The following RBFOX1 variants were observed in gnomAD, a reference collection of about 807,000 sequenced individuals.
RBFOX1 encodes RNA binding protein fox-1 homolog 1.
RBFOX1 carries 8 observed loss-of-function variants against 57.7 expected under a neutral mutation model. The observed-to-expected ratio is 0.14, with a 90% CI of 0.08 to 0.25. The LOEUF (loss-of-function observed/expected upper bound fraction) is 0.25, where lower values mean the gene tolerates loss of function less well. RBFOX1 is among the 10% of genes least tolerant of loss of function. RBFOX1 has a pLI of 1.00. For missense variants in RBFOX1, 611 were observed against 548.5 expected (o/e 1.11, Z -1.14); for synonymous variants, 326 against 222.4 (o/e 1.47, Z -4.15).
chr16:6,375,414 ATT>A (rs71145222), intron 2 of RBFOX1, among the ~76,000 whole-genome samples: 2 of 148,962 alleles, frequency 1.3e-5, no homozygotes, highest in Admixed American at 6.7e-5. Context: ...GCTCTAGAGT[ATT>A]TTTTTTTTTT....
chr16:6,992,548 A>T (rs1342983421), intron 3 of RBFOX1, among the ~76,000 whole-genome samples: 1 of 151,940 alleles, frequency 6.6e-6, no homozygotes, highest in Admixed American at 6.6e-5. Context: ...CATCCCTTCC[A>T]AGGTCAGCTT....
intron 2 of RBFOX1, among the ~76,000 whole-genome samples, chr16:6,548,680 C>G (rs1210560128): frequency 2.6e-5 from 4 of 152,156 alleles, no homozygotes; most frequent in Non-Finnish European, 5.9e-5. Context: ...GCGGTTGAGT[C>G]AGAAGATTTC....
chr16:5,544,136 A>G (rs2045085156), intron 2 of RBFOX1, among the ~76,000 whole-genome samples: 2 of 152,284 alleles, frequency 1.3e-5, no homozygotes, highest in East Asian at 3.9e-4. Context: ...CACCCAGAGC[A>G]TTTACCCAAA....
chr16:7,191,143 A>G (rs180705177), intron 4 of RBFOX1, among the ~76,000 whole-genome samples: 59 of 152,186 alleles, frequency 3.9e-4, no homozygotes, highest in African/African-American at 1.4e-3. Context: ...TCACCATCAT[A>G]CTTTATAGTT....
intron 2 of RBFOX1, among the ~76,000 whole-genome samples, chr16:6,647,969 G>A (rs2098547528): frequency 6.6e-6 from 1 of 152,130 alleles, no homozygotes; most frequent in Non-Finnish European, 1.5e-5. Context: ...AGCCTCTCTA[G>A]TAGCTGGAAT....
intron 3 of RBFOX1, among the ~76,000 whole-genome samples, chr16:5,785,138 C>T (rs904622174): frequency 2.0e-5 from 3 of 152,098 alleles, no homozygotes; most frequent in African/African-American, 7.2e-5. Flanking sequence ...GGGATAAATT[C>T]CCAGGACGGG....
At position 6,680,274 on chromosome 16, in the gene RBFOX1, C is replaced by CTTTTTTTTTTTT. The variant is rs1180378585; in HGVS notation, c.-16+25633_-16+25644dup. Among the ~76,000 whole-genome samples, 38 of 88,928 alleles carry CTTTTTTTTTTTT rather than the reference C, an allele frequency of 4.3e-4. 3 individuals are homozygous for CTTTTTTTTTTTT. The highest frequency in any genetic ancestry group is 5.6e-4 in the African/African-American group (14 of 24,854). The allele number at this position is 88,928 out of a possible 152,430, so 58.3% of individuals were successfully genotyped here. A position where few individuals can be genotyped will look rare whatever the true frequency, so the allele number is the denominator to read the frequency against. On this transcript the variant is annotated intron_variant, in intron 3 of 15. Transcript: ENST00000550418. ...GTCTTTGCTTTGCTTTTCTCTCTCT[C>CTTTTTTTTTTTT]TTTTTTTTTTTTTTTTTTTTATTTG...
At chr16:5,730,235 G>T (rs1034580053) in intron 3 of RBFOX1, among the ~76,000 whole-genome samples, 3 of 152,156 alleles carry the variant, frequency 2.0e-5, no homozygotes, top group Non-Finnish European at 4.4e-5. Flanking sequence ...CTGACCACAG[G>T]TTTATTCTCT....
intron 3 of RBFOX1, among the ~76,000 whole-genome samples, chr16:5,659,522 C>T (rs1395096866): frequency 6.6e-6 from 1 of 152,058 alleles, no homozygotes; most frequent in Non-Finnish European, 1.5e-5. Context: ...CCAGGATGGC[C>T]TCAGTCTCCT....
At chr16:5,968,449 T>A (rs990304269) in intron 4 of RBFOX1, among the ~76,000 whole-genome samples, 1 of 152,194 alleles carries the variant, frequency 6.6e-6, no homozygotes, top group African/African-American at 2.4e-5. Flanking sequence ...ACAGTTTATA[T>A]CCTTTCTGTG....
At chr16:5,857,467 T>C (rs182176664) in intron 3 of RBFOX1, among the ~76,000 whole-genome samples, 4 of 152,116 alleles carry the variant, frequency 2.6e-5, no homozygotes, top group Admixed American at 6.5e-5. Flanking sequence ...AAAGCTTTAA[T>C]TGATTAAAGA....
At chr16:5,978,621 C>T (rs1441945762) in intron 4 of RBFOX1, among the ~76,000 whole-genome samples, 6 of 151,984 alleles carry the variant, frequency 3.9e-5, no homozygotes, top group African/African-American at 1.5e-4. Context: ...TCACTAATCT[C>T]CTCTGTTATG....
intron 2 of RBFOX1, among the ~76,000 whole-genome samples, chr16:6,519,956 G>A (rs943411673): frequency 2.0e-5 from 3 of 152,114 alleles, no homozygotes; most frequent in Non-Finnish European, 4.4e-5. Flanking sequence ...CAGGTGCTTT[G>A]GGTCAGTAGG....
rs142051777 is a variant in RBFOX1 at position 5,787,812 on chromosome 16, C to T, written c.319-79491C>T. On this transcript the variant is annotated intron_variant, in intron 3 of 19. Coordinates refer to the RBFOX1 transcript ENST00000641259. ...CCAAGGTGTTCCTGTAAAGGGCACA[C>T]GTTGACAAGAGGTAGCAAACAAAGT... 9.1e-4 allele frequency among the ~76,000 whole-genome samples: 139 copies of T among 152,194 alleles called. 1 individual carries two copies. The highest frequency in any genetic ancestry group is 6.7e-3 in the Admixed American group (102 of 15,292).
rs142997820 is a variant in RBFOX1, at chr16:6,863,173, G to A, written c.-15-188884G>A. ...GATCAAAAGTCTAGGTGAAAAAACAGGAGGGCTTGCCTGAATTACTTTTTG... is the reference window on the plus strand; with the variant it reads ...GATCAAAAGTCTAGGTGAAAAAACAAGAGGGCTTGCCTGAATTACTTTTTG... On this transcript the variant is annotated intron_variant, in intron 3 of 15. Coordinates refer to ENST00000550418, the MANE Select transcript of RBFOX1 (RefSeq NM_018723.4). 2.6e-4 allele frequency among the ~76,000 whole-genome samples: 40 copies of A among 152,142 alleles called. No homozygotes were observed. The East Asian group carries it at 6.6e-3, about 25-fold the overall frequency.
At chr16:5,556,816 A>G (rs114670886) in intron 2 of RBFOX1, among the ~76,000 whole-genome samples, 44 of 152,378 alleles carry the variant, frequency 2.9e-4, no homozygotes, top group African/African-American at 1.1e-3. Context: ...TTGAGGCCAC[A>G]GTATTTTCAG....
chr16:6,179,702 GT>G (rs1268959432), intron 1 of RBFOX1, among the ~76,000 whole-genome samples: 2 of 152,112 alleles, frequency 1.3e-5, no homozygotes, highest in Non-Finnish European at 2.9e-5. Context: ...TATTATTGTT[GT>G]TATTGTTAAT....
At chr16:7,031,861 G>A (rs575881334) in intron 3 of RBFOX1, among the ~76,000 whole-genome samples, 1 of 152,226 alleles carries the variant, frequency 6.6e-6, no homozygotes, top group South Asian at 2.1e-4. Flanking sequence ...GACACACAGG[G>A]AGCTCCACTA....
chr16:5,381,370 G>T (rs189152817), intron 1 of RBFOX1, among the ~76,000 whole-genome samples: 90 of 152,348 alleles, frequency 5.9e-4, no homozygotes, highest in Non-Finnish European at 1.0e-3. Flanking sequence ...AGGGCCAGCT[G>T]CTGTCCTTAG....
Sources: gnomAD v4.1 joint callset for allele counts (sites outside exome capture counted in the v4.1 genomes callset) on GRCh38, gnomAD v4.1.1 for gene constraint, MANE v1.5 for transcripts, NCBI Gene and HGNC (gene_info 2026-07-23, HGNC 2026-07-21) for gene names.